The following UNC5C variants were observed in gnomAD, a reference collection of about 807,000 sequenced individuals.
The protein encoded by UNC5C is netrin receptor UNC5C.
A neutral mutation model predicts 99.8 loss-of-function variants in UNC5C; 47 were observed. That is an observed-to-expected ratio of 0.47 (90% CI 0.37 to 0.60). The LOEUF is 0.60. Among genes scored for constraint, UNC5C ranks in the 20% least tolerant of loss-of-function variants. UNC5C has a pLI of 0.00. For synonymous variants in UNC5C, 487 were observed against 452.2 expected, an observed-to-expected ratio of 1.08 and a Z score of -0.98; for missense variants, 1,062 against 1,165.9, an observed-to-expected ratio of 0.91 and a Z score of 1.30.
intron 1 of UNC5C, among the ~76,000 whole-genome samples, chr4:95,335,949 T>C (rs1229454082): frequency 1.3e-5 from 2 of 151,886 alleles, no homozygotes; most frequent in Non-Finnish European, 2.9e-5. Flanking sequence ...AATGTATCAC[T>C]ACATTTCCCA....
chr4:95,206,634 C>T lies in UNC5C; in HGVS notation c.1896G>A (p.Gln632=), dbSNP rs779186075. 5.0e-6 allele frequency: 8 copies of T among 1,614,056 alleles called. No individual in the cohort carries two copies. In the African/African-American group the frequency reaches 8.0e-5, roughly 16 times the overall value. The stretch of plus-strand genomic sequence containing the variant: ...TATCCCGACAGCAGCTCACCTCCCA[C>T]TGTCCCTGTGCTGCCTGGTTCTTGA... ...ILLKNQAAQG[Q]WEDVVVVGEE... Residue 632 remains glutamine, a synonymous_variant, in exon 11 of 16, where the codon CAG becomes CAA. Coordinates refer to ENST00000453304, the MANE Select transcript of UNC5C (RefSeq NM_003728.4).
At chr4:95,301,141 C>T (rs2149403771) in intron 3 of UNC5C, among the ~76,000 whole-genome samples, 1 of 150,340 alleles carries the variant, frequency 6.7e-6, no homozygotes, top group East Asian at 2.0e-4. Context: ...TCTTGGCGAC[C>T]TAAGAGGAAT....
intron 1 of UNC5C, among the ~76,000 whole-genome samples, chr4:95,523,091 G>A (rs1209743270): frequency 6.6e-6 from 1 of 152,194 alleles, no homozygotes; most frequent in Admixed American, 6.5e-5. Flanking sequence ...AAGGGGGAGA[G>A]TGAGATGGTC....
intron 1 of UNC5C, among the ~76,000 whole-genome samples, chr4:95,432,988 G>A (rs577814952): frequency 5.9e-5 from 9 of 152,130 alleles, no homozygotes; most frequent in African/African-American, 1.7e-4. Flanking sequence ...AGAAACAATT[G>A]TTCTTTCTTT....
At chr4:95,408,216 T>C (rs1040161167) in intron 1 of UNC5C, among the ~76,000 whole-genome samples, 1 of 152,230 alleles carries the variant, frequency 6.6e-6, no homozygotes, top group Non-Finnish European at 1.5e-5. Flanking sequence ...TTCATTGTCA[T>C]AGGATATTCA....
chr4:95,255,302 G>A (rs1445879473), intron 4 of UNC5C, among the ~76,000 whole-genome samples: 2 of 152,092 alleles, frequency 1.3e-5, no homozygotes, highest in South Asian at 2.1e-4. Flanking sequence ...TTCTTGAGGT[G>A]GAACATGGGT....
chr4:95,266,162 G>C (rs886783396), intron 4 of UNC5C, among the ~76,000 whole-genome samples: 1 of 152,212 alleles, frequency 6.6e-6, no homozygotes, highest in Non-Finnish European at 1.5e-5. Flanking sequence ...ACTATAGGTA[G>C]TGGTTTATGA....
At chr4:95,500,807 A>T (rs963854262) in intron 1 of UNC5C, among the ~76,000 whole-genome samples, 22 of 152,122 alleles carry the variant, frequency 1.4e-4, no homozygotes, top group Non-Finnish European at 3.2e-4. Flanking sequence ...AGCAATTTTC[A>T]TTTACTGGTT....
chr4:95,380,793 T>A (rs189158224), intron 1 of UNC5C, among the ~76,000 whole-genome samples: 8 of 152,338 alleles, frequency 5.3e-5, no homozygotes, highest in Admixed American at 2.6e-4. Flanking sequence ...CTAATTTCTA[T>A]GATTAAGCAT....
intron 1 of UNC5C, among the ~76,000 whole-genome samples, chr4:95,522,918 A>C (rs1722398089): frequency 7.2e-6 from 1 of 139,432 alleles, no homozygotes; most frequent in Admixed American, 7.3e-5. Flanking sequence ...GCAAAGCACA[A>C]GAAACGAAAG....
At chr4:95,489,034 T>C (rs572975946) in intron 1 of UNC5C, among the ~76,000 whole-genome samples, 50 of 139,720 alleles carry the variant, frequency 3.6e-4, no homozygotes, top group African/African-American at 1.3e-3. Context: ...TAAAAATGAG[T>C]ATATTCCAAA....
At chr4:95,338,696 T>A (rs1430001017) in intron 1 of UNC5C, among the ~76,000 whole-genome samples, 1 of 152,112 alleles carries the variant, frequency 6.6e-6, no homozygotes. Flanking sequence ...TCTAGCACAT[T>A]ATATGGGGTC....
At chr4:95,250,368 G>A (rs1265591403) in intron 5 of UNC5C, 119 bp downstream of exon 5, 5 of 1,115,070 alleles carry the variant, frequency 4.5e-6, no homozygotes, top group Non-Finnish European at 2.5e-6. Flanking sequence ...CTGGGTGACA[G>A]AGCAAGACCC....
At chr4:95,282,678 C>T (rs1056395125) in intron 3 of UNC5C, among the ~76,000 whole-genome samples, 1 of 152,116 alleles carries the variant, frequency 6.6e-6, no homozygotes, top group Admixed American at 6.5e-5. Flanking sequence ...AGTGGAGAGG[C>T]CCAGCAAGAC....
intron 4 of UNC5C, among the ~76,000 whole-genome samples, chr4:95,260,243 A>T (rs1405111616): frequency 6.6e-6 from 1 of 152,246 alleles, no homozygotes; most frequent in African/African-American, 2.4e-5. Flanking sequence ...AACGAAACAA[A>T]AAAACCCCAA....
chr4:95,413,772 A>G (rs1203857473), intron 1 of UNC5C, among the ~76,000 whole-genome samples: 2 of 152,244 alleles, frequency 1.3e-5, no homozygotes. Flanking sequence ...CCAAGAAAGC[A>G]GAAGAACATA....
intron 1 of UNC5C, among the ~76,000 whole-genome samples, chr4:95,356,620 A>C (rs1240349784): frequency 1.3e-5 from 2 of 152,160 alleles, no homozygotes; most frequent in African/African-American, 4.8e-5. Context: ...CCAGAAAGTG[A>C]ATATAGTCTA....
At chr4:95,397,368 T>G (rs1001801424) in intron 1 of UNC5C, among the ~76,000 whole-genome samples, 1 of 152,226 alleles carries the variant, frequency 6.6e-6, no homozygotes, top group African/African-American at 2.4e-5. Context: ...TAATTCACAT[T>G]TGATATTTGG....
rs542649365 is a variant in UNC5C at position 95,194,022 on chromosome 4, A to G, written c.2136+8709T>C. Among the ~76,000 whole-genome samples the G allele has an allele frequency of 2.0e-5, 3 of 152,210 alleles. No homozygotes were observed. In the South Asian group the frequency reaches 6.2e-4, roughly 32 times the overall value. On this transcript the variant is annotated intron_variant, in intron 12 of 15. Transcript: ENST00000453304. Reference sequence around the variant, plus strand: ...GCTGGACTCTGGTGCCCATCTGCAAACATCTCCCCGTCAAGTTGCTTCGTT... The same window carrying G: ...GCTGGACTCTGGTGCCCATCTGCAAGCATCTCCCCGTCAAGTTGCTTCGTT...
Sources: gnomAD v4.1 joint callset for allele counts (sites outside exome capture counted in the v4.1 genomes callset) on GRCh38, gnomAD v4.1.1 for gene constraint, MANE v1.5 for transcripts, NCBI Gene and HGNC (gene_info 2026-07-23, HGNC 2026-07-21) for gene names.